KNG1: variants seen among roughly 807,000 people sequenced by gnomAD.
The protein encoded by KNG1 is kininogen 1, also known as kininogen-1.
In KNG1, 23 loss-of-function variants were observed where a neutral mutation model predicts 47.8. The observed-to-expected ratio is 0.48, with a 90% CI of 0.35 to 0.68. The LOEUF is 0.68. KNG1 is among the 30% of genes least tolerant of loss of function. The pLI, the probability that KNG1 is intolerant of heterozygous loss-of-function variation, is 0.01. For synonymous variants in KNG1, 277 were observed against 277.0 expected, an observed-to-expected ratio of 1.00 and a Z score of 0.00; for missense variants, 762 against 790.2, an observed-to-expected ratio of 0.96 and a Z score of 0.43.
chr3:186,742,532 T>G lies in KNG1; in HGVS notation c.*201T>G. 7.1e-7 allele frequency: 1 copy of G among 1,409,788 alleles called. No homozygotes were observed. Among genetic ancestry groups the G allele is most frequent in the Non-Finnish European group, 9.2e-7 (1 of 1,086,922 alleles). The allele number at this position is 1,409,788 out of a possible 1,614,324, so 87.3% of individuals were successfully genotyped here. On this transcript the variant is annotated 3_prime_UTR_variant, in exon 10 of 10. Transcript: ENST00000644859. The stretch of plus-strand genomic sequence containing the variant: ...TAAAATTGTGTGCCACAATTCTAAC[T>G]CTTTTCTGAATCTTCTTCCCAAGTT...
chr3:186,739,503 T>A, intron 9 of KNG1, 89 bp downstream of exon 9: 1 of 868,380 alleles, frequency 1.2e-6, no homozygotes, highest in East Asian at 2.5e-5. Context: ...ATTACTGAAA[T>A]GAATTGGGGA....
chr3:186,742,108 C>T lies in KNG1; in HGVS notation c.1712C>T (p.Thr571Ile), dbSNP rs773502813. 10 of 1,614,114 alleles carry T rather than the reference C, an allele frequency of 6.2e-6. No homozygotes were observed. In the Admixed American group the frequency reaches 6.7e-5, roughly 11 times the overall value. The change falls in exon 10 of 10, where the codon ACT becomes ATT. Residue 571 changes from threonine (T) to isoleucine (I), a missense_variant. Transcript: ENST00000644859. ...SDFQDSDLIA[T>I]MMPPISPAPI... ...TTTCAGGACTCTGATCTCATTGCAACTATGATGCCTCCTATATCACCAGCT... is the reference window on the plus strand; with the variant it reads ...TTTCAGGACTCTGATCTCATTGCAATTATGATGCCTCCTATATCACCAGCT...
chr3:186,723,239 G>T (rs5030003), intron 3 of KNG1, among the ~76,000 whole-genome samples: 72,883 of 151,864 alleles, frequency 0.48, 17,817 homozygotes, highest in Middle Eastern at 0.63. Context: ...CCATCACCTG[G>T]AATAGTTATC....
At position 186,743,684 on chromosome 3, in the gene KNG1, TG is replaced by T; in HGVS notation, c.*1354del. 2 of 1,582,164 alleles carry T rather than the reference TG, an allele frequency of 1.3e-6. No homozygotes were observed. The highest frequency in any genetic ancestry group is 1.3e-5 in the African/African-American group (1 of 74,434). On this transcript the variant is annotated 3_prime_UTR_variant, in exon 10 of 10. Coordinates refer to ENST00000644859, the MANE Select transcript of KNG1 (RefSeq NM_001102416.3). The stretch of plus-strand genomic sequence containing the variant: ...GATTGAATGATAACATCATATTAAC[TG>T]CGTTTTACTATACTTACAGAGTCAC...
At chr3:186,740,836 A>G (rs989717868) in intron 9 of KNG1, among the ~76,000 whole-genome samples, 2 of 152,232 alleles carry the variant, frequency 1.3e-5, no homozygotes, top group African/African-American at 4.8e-5. Context: ...CAGTAGTATC[A>G]ATAATTAAAT....
chr3:186,742,398 A>G lies in KNG1; in HGVS notation c.*67A>G. ...ATCAATATCCCTCTCTCCATTGTCC[A>G]GATGAAAATATCCTGATATAATGCA... On this transcript the variant is annotated 3_prime_UTR_variant, in exon 10 of 10. Coordinates refer to ENST00000644859, the MANE Select transcript of KNG1 (RefSeq NM_001102416.3). 1.3e-6 allele frequency: 2 copies of G among 1,599,974 alleles called. No homozygotes were observed. The highest frequency in any genetic ancestry group is 1.7e-6 in the Non-Finnish European group (2 of 1,178,106).
chr3:186,731,221 G>A (rs1720522741), intron 5 of KNG1, among the ~76,000 whole-genome samples: 1 of 152,046 alleles, frequency 6.6e-6, no homozygotes, highest in African/African-American at 2.4e-5. Flanking sequence ...TCTTGAAACT[G>A]TAATACATTG....
intron 9 of KNG1, among the ~76,000 whole-genome samples, chr3:186,740,668 G>A (rs1369083296): frequency 6.6e-6 from 1 of 152,200 alleles, no homozygotes; most frequent in African/African-American, 2.4e-5. Context: ...TGTAGATGGT[G>A]TAACACAAAC....
chr3:186,741,112 G>A (rs1371521863), intron 9 of KNG1, among the ~76,000 whole-genome samples: 41 of 151,946 alleles, frequency 2.7e-4, no homozygotes, highest in Admixed American at 2.7e-3. Flanking sequence ...TCCTGCCTCA[G>A]CCTCCTGAGT....
intron 7 of KNG1, 100 bp downstream of exon 7, chr3:186,732,774 A>G (rs1414036371): frequency 1.1e-6 from 1 of 930,528 alleles, no homozygotes; most frequent in Non-Finnish European, 1.8e-6. Context: ...GAAACCATAC[A>G]TTTGATAATG....
At position 186,743,824 on chromosome 3, in the gene KNG1, A is replaced by G; in HGVS notation, c.*1493A>G. On this transcript the variant is annotated 3_prime_UTR_variant, in exon 10 of 10. Transcript: ENST00000644859. ...TCTTCACTCCAGGCACATAGCCCCA[A>G]CCACCTCTGCCAGCAACCTTGAGAG... is the stretch of plus-strand genomic sequence containing the variant. 1 of 1,424,182 alleles carries G rather than the reference A, an allele frequency of 7.0e-7. No individual in the cohort carries two copies. 88.2% of individuals were successfully genotyped at this position (1,424,182 alleles called of 1,614,324 possible). A position where few individuals can be genotyped will look rare whatever the true frequency, so the allele number is the denominator to read the frequency against.
intron 1 of KNG1, 74 bp downstream of exon 1, chr3:186,717,811 C>CAT: frequency 2.0e-6 from 2 of 1,024,640 alleles, no homozygotes; most frequent in Admixed American, 3.5e-5. Flanking sequence ...CTCACACACA[C>CAT]ACACACATAC....
At chr3:186,717,793 G>T (rs530121062) in intron 1 of KNG1, 56 bp downstream of exon 1, 4 of 1,276,806 alleles carry the variant, frequency 3.1e-6, no homozygotes, top group East Asian at 4.7e-5. Context: ...ATCACTAGGA[G>T]TCCAGGCCTC....
rs1410901388 is a variant in KNG1 at position 186,739,140 on chromosome 3, G to T, written c.972G>T (p.Arg324Ser). 7 of 1,614,024 alleles carry T rather than the reference G, an allele frequency of 4.3e-6. No individual in the cohort carries two copies. Among genetic ancestry groups the T allele is most frequent in the Admixed American group, 1.7e-5 (1 of 59,988 alleles). Reference protein sequence around the residue: ...GKKYFIDFVARETTCSKESNE... With the variant: ...GKKYFIDFVASETTCSKESNE... ...AATATTTTATTGACTTCGTGGCCAG[G>T]GAAACCACATGTTCCAAGGAAAGTA... Residue 324 changes from arginine to serine, a missense_variant, in exon 8 of 10, where the codon AGG becomes AGT. By Grantham distance (110) the Arg-to-Ser change is moderately radical. Transcript: ENST00000644859.
chr3:186,718,428 G>C (rs13317089), intron 1 of KNG1: 39,680 of 115,362 alleles, frequency 0.34, 7,432 homozygotes, highest in African/African-American at 0.45. Context: ...CCACCATCAC[G>C]CACTACCAAA....
chr3:186,721,081 G>C (rs910925709), intron 2 of KNG1: 1 of 152,112 alleles, frequency 6.6e-6, no homozygotes, highest in Non-Finnish European at 1.5e-5. Flanking sequence ...GAGCCACCAC[G>C]CCCAGCCATG....
intron 5 of KNG1, among the ~76,000 whole-genome samples, chr3:186,730,894 T>C (rs990720304): frequency 1.3e-4 from 20 of 151,718 alleles, no homozygotes; most frequent in Non-Finnish European, 2.5e-4. Flanking sequence ...TATGTTCTTG[T>C]TTATTTTTTA....
chr3:186,718,232 C>T (rs1158531479), intron 1 of KNG1: 2 of 31,152 alleles, frequency 6.4e-5, no homozygotes, highest in African/African-American at 1.1e-3. Context: ...CCACCACCCA[C>T]CACCATCACC....
At chr3:186,726,296 T>C (rs28390219) in intron 4 of KNG1, among the ~76,000 whole-genome samples, 30,047 of 98,910 alleles carry the variant, frequency 0.3, 2,634 homozygotes, top group Middle Eastern at 0.5. Context: ...TTTTTTTTTG[T>C]TTTTTGAGGA....
Sources: gnomAD v4.1 joint callset for allele counts (sites outside exome capture counted in the v4.1 genomes callset) on GRCh38, gnomAD v4.1.1 for gene constraint, MANE v1.5 for transcripts, NCBI Gene and HGNC (gene_info 2026-07-23, HGNC 2026-07-21) for gene names.